Variants in KCNQ5 observed in about 807,000 individuals in gnomAD.
KCNQ5 encodes the protein potassium voltage-gated channel subfamily KQT member 5.
In KCNQ5, 30 loss-of-function variants were observed where a neutral mutation model predicts 98.2. The observed-to-expected ratio is 0.31, with a 90% CI of 0.23 to 0.41. The LOEUF (loss-of-function observed/expected upper bound fraction) is 0.41, where lower values mean the gene tolerates loss of function less well. Among genes scored for constraint, KCNQ5 ranks in the 10% least tolerant of loss-of-function variants. The pLI, the probability that KCNQ5 is intolerant of heterozygous loss-of-function variation, is 1.00. For synonymous variants in KCNQ5, 458 were observed against 449.4 expected (o/e 1.02, Z -0.24); for missense variants, 835 against 1,182.5 (o/e 0.71, Z 4.31).
At chr6:72,700,944 T>A (rs1319401481) in intron 1 of KCNQ5, among the ~76,000 whole-genome samples, 1 of 152,238 alleles carries the variant, frequency 6.6e-6, no homozygotes, top group East Asian at 1.9e-4. Flanking sequence ...AGATACCCTG[T>A]AATTTTAAGA....
chr6:73,127,597 C>A (rs1015660150), intron 9 of KCNQ5, among the ~76,000 whole-genome samples: 8 of 152,284 alleles, frequency 5.3e-5, no homozygotes, highest in Middle Eastern at 3.4e-3. Context: ...AGATGTCGAA[C>A]ACATTTATAG....
chr6:73,158,118 C>G, intron 10 of KCNQ5: 1 of 416,712 alleles, frequency 2.4e-6, no homozygotes, highest in Non-Finnish European at 4.6e-6. Context: ...CCGCGCTCGC[C>G]CTCCCGCTAC....
At chr6:73,021,020 C>G (rs997352137) in intron 2 of KCNQ5, among the ~76,000 whole-genome samples, 7 of 152,162 alleles carry the variant, frequency 4.6e-5, no homozygotes, top group Non-Finnish European at 8.8e-5. Context: ...AATGTTCCTT[C>G]TATTTGAAAA....
In KCNQ5 at chr6:72,848,191, AT is replaced by A. The variant is rs879493705; in HGVS notation, c.399-155706del. 9.6e-3 allele frequency among the ~76,000 whole-genome samples: 551 copies of A among 57,188 alleles called. 1 individual carries two copies. Among genetic ancestry groups the A allele is most frequent in the African/African-American group, 0.017 (164 of 9,420 alleles). 37.5% of individuals were successfully genotyped at this position (57,188 alleles called of 152,430 possible). On this transcript the variant is annotated intron_variant, in intron 1 of 13. Transcript: ENST00000370398. ...TTTATGATAAACTCTCAGGACAGCC[AT>A]TTTTTTTTTTCTTACTTAAAGTTCC...
At chr6:72,925,322 T>C (rs1042888751) in intron 1 of KCNQ5, among the ~76,000 whole-genome samples, 2 of 152,210 alleles carry the variant, frequency 1.3e-5, no homozygotes, top group Admixed American at 1.3e-4. Context: ...GTCAACTCAG[T>C]AAAGATGTTT....
intron 1 of KCNQ5, among the ~76,000 whole-genome samples, chr6:72,702,662 G>A (rs1768874771): frequency 6.6e-6 from 1 of 152,136 alleles, no homozygotes; most frequent in African/African-American, 2.4e-5. Flanking sequence ...TCTTCAGCAT[G>A]TGACCCATTC....
intron 1 of KCNQ5, among the ~76,000 whole-genome samples, chr6:72,818,420 G>T (rs982038731): frequency 1.3e-5 from 2 of 151,996 alleles, no homozygotes; most frequent in Non-Finnish European, 2.9e-5. Context: ...ACTGCAAGAA[G>T]AAAACAGCAA....
chr6:72,627,884 A>T (rs1307525661), intron 1 of KCNQ5, among the ~76,000 whole-genome samples: 3 of 152,142 alleles, frequency 2.0e-5, no homozygotes, highest in Non-Finnish European at 2.9e-5. Context: ...TTCAAAGATC[A>T]CTTCCTCTTG....
intron 1 of KCNQ5, among the ~76,000 whole-genome samples, chr6:72,901,758 T>C (rs1779515031): frequency 6.6e-6 from 1 of 152,206 alleles, no homozygotes; most frequent in African/African-American, 2.4e-5. Flanking sequence ...GGCCTTATAG[T>C]ATAGTTTGAA....
At chr6:72,754,241 A>G (rs889073338) in intron 1 of KCNQ5, among the ~76,000 whole-genome samples, 1 of 152,062 alleles carries the variant, frequency 6.6e-6, no homozygotes, top group Non-Finnish European at 1.5e-5. Context: ...ATGGATGCTA[A>G]ATTTTGTCAA....
intron 5 of KCNQ5, among the ~76,000 whole-genome samples, chr6:73,104,156 AG>A (rs373817822): frequency 6.6e-6 from 1 of 152,106 alleles, no homozygotes; most frequent in African/African-American, 2.4e-5. Flanking sequence ...AAAGGAAGAA[AG>A]GAAATTTTTG....
chr6:72,977,095 T>C (rs888175628), intron 1 of KCNQ5, among the ~76,000 whole-genome samples: 2 of 152,264 alleles, frequency 1.3e-5, no homozygotes, highest in Non-Finnish European at 2.9e-5. Flanking sequence ...AGCAATTATG[T>C]GTCAACTGGC....
chr6:73,032,047 T>C (rs1010340198), intron 2 of KCNQ5, among the ~76,000 whole-genome samples: 1 of 152,164 alleles, frequency 6.6e-6, no homozygotes, highest in African/African-American at 2.4e-5. Context: ...ATCTCTTATC[T>C]TGACACAAGC....
chr6:73,083,308 G>A lies in KCNQ5; in HGVS notation c.918+5421G>A, dbSNP rs980814529. On this transcript the variant is annotated intron_variant, in intron 5 of 13. Transcript: ENST00000370398. Reference sequence around the variant, plus strand: ...ACAGAAAGAAAGATGGATGGTTTACGAAAATAGAATGCTTTAGAAAAGCTT... The same window carrying A: ...ACAGAAAGAAAGATGGATGGTTTACAAAAATAGAATGCTTTAGAAAAGCTT... 3.3e-5 allele frequency among the ~76,000 whole-genome samples: 5 copies of A among 152,254 alleles called. No individual in the cohort carries two copies. In the South Asian group the frequency reaches 6.2e-4, roughly 19 times the overall value.
intron 2 of KCNQ5, among the ~76,000 whole-genome samples, chr6:73,039,303 C>T (rs1771583760): frequency 6.6e-6 from 1 of 151,926 alleles, no homozygotes; most frequent in African/African-American, 2.4e-5. Flanking sequence ...TATTGTTTTC[C>T]TCTTTTCAGT....
chr6:72,832,522 T>C (rs143004862), intron 1 of KCNQ5, among the ~76,000 whole-genome samples: 101 of 152,232 alleles, frequency 6.6e-4, no homozygotes, highest in African/African-American at 2.3e-3. Flanking sequence ...TGGCCCAAAA[T>C]GTCAACAGTG....
chr6:73,065,406 C>A (rs532387859), intron 3 of KCNQ5, among the ~76,000 whole-genome samples: 2 of 152,324 alleles, frequency 1.3e-5, no homozygotes, highest in Admixed American at 6.5e-5. Flanking sequence ...TAACCTCACT[C>A]TTGTAATGCT....
rs199531139 is a variant in KCNQ5, at chr6:73,190,648, A to G, written c.1653A>G (p.Glu551=). ...LRPYDVKDVI[E]QYSAGHLDML... ...CATATGATGTAAAAGATGTCATTGA[A>G]CAATATTCTGCTGGTCATCTGGACA... Residue 551 remains glutamate (E), a synonymous_variant, in exon 12 of 14, where the codon GAA becomes GAG. Coordinates refer to ENST00000370398, the MANE Select transcript of KCNQ5 (RefSeq NM_019842.4). 2.4e-5 allele frequency: 38 copies of G among 1,598,428 alleles called. No individual in the cohort carries two copies. The East Asian group carries it at 7.8e-4, about 33-fold the overall frequency.
At chr6:72,972,595 T>G (rs971745366) in intron 1 of KCNQ5, among the ~76,000 whole-genome samples, 1 of 152,026 alleles carries the variant, frequency 6.6e-6, no homozygotes, top group Non-Finnish European at 1.5e-5. Context: ...CATATGGTGT[T>G]TGGTTTTCTG....
Sources: gnomAD v4.1 joint callset for allele counts (sites outside exome capture counted in the v4.1 genomes callset) on GRCh38, gnomAD v4.1.1 for gene constraint, MANE v1.5 for transcripts, NCBI Gene and HGNC (gene_info 2026-07-23, HGNC 2026-07-21) for gene names.